The following KRT79 variants were observed in gnomAD, a reference collection of about 807,000 sequenced individuals.
KRT79 encodes keratin, type II cytoskeletal 79.
Under a neutral mutation model 49.0 loss-of-function variants are expected in KRT79, and 51 were observed. The ratio of observed to expected loss-of-function variants is 1.04; its 90% CI spans 0.83 to 1.31. The LOEUF is 1.31. KRT79 is among the 40% of genes most tolerant of loss of function. The pLI is 0.00. For synonymous variants in KRT79, 312 were observed against 286.6 expected, an observed-to-expected ratio of 1.09 and a Z score of -0.90; for missense variants, 728 against 688.0, an observed-to-expected ratio of 1.06 and a Z score of -0.65.
At position 52,824,178 on chromosome 12, in the gene KRT79, G is replaced by A. The variant is rs780376020; in HGVS notation, c.1020+20C>T. The A allele has an allele frequency of 2.5e-6, 4 of 1,614,126 alleles. No homozygotes were observed. In the Admixed American group the frequency reaches 6.7e-5, roughly 27 times the overall value. On this transcript the variant is annotated intron_variant, in intron 5 of 8. Transcript: ENST00000330553. ...TGATCCGACCCCAGGCCTCACACCTGAGCCAGCTATGCCTCTCACCTTGGT... is the reference window on the plus strand; with the variant it reads ...TGATCCGACCCCAGGCCTCACACCTAAGCCAGCTATGCCTCTCACCTTGGT...
At position 52,834,125 on chromosome 12, in the gene KRT79, C is replaced by T. The variant is rs1014832358; in HGVS notation, c.136G>A (p.Gly46Ser). Residue 46 changes from glycine (G) to serine (S), a missense_variant, in exon 1 of 9, where the codon GGC (glycine) becomes AGC (serine). Physicochemically the swap from Gly to Ser is moderately conservative, Grantham distance 56. Coordinates refer to ENST00000330553, the MANE Select transcript of KRT79 (RefSeq NM_175834.3). The stretch of plus-strand genomic sequence containing the variant: ...GTGCCGGGGCCACAGTGGGCCCCGC[C>T]ACCACTGCCACTGCTCCGAGACACC... Reference protein sequence around the residue: ...VTVSRSSGSGGGAHCGPGTGG... With the variant: ...VTVSRSSGSGSGAHCGPGTGG... 3.7e-6 allele frequency: 6 copies of T among 1,613,222 alleles called. No individual in the cohort carries two copies. The highest frequency in any genetic ancestry group is 2.7e-5 in the African/African-American group (2 of 74,928).
At position 52,834,091 on chromosome 12, in the gene KRT79, A is replaced by C; in HGVS notation, c.170T>G (p.Phe57Cys). The C allele has an allele frequency of 6.2e-7, 1 of 1,612,922 alleles. No individual in the cohort carries two copies. The highest frequency in any genetic ancestry group is 1.3e-5 in the African/African-American group (1 of 74,904). Reference sequence around the variant, plus strand: ...CAAGTTATAGAGGCTTCGGCTGCCAAAGCCACCTGTGCCGGGGCCACAGTG... The same window carrying C: ...CAAGTTATAGAGGCTTCGGCTGCCACAGCCACCTGTGCCGGGGCCACAGTG... ...GAHCGPGTGGFGSRSLYNLGG... is the reference protein window; with the variant it reads ...GAHCGPGTGGCGSRSLYNLGG... Residue 57 changes from phenylalanine (F) to cysteine (C), a missense_variant, in exon 1 of 9, where the codon TTT becomes TGT. By Grantham distance (205) the Phe-to-Cys change is radical (BLOSUM62 -2). Coordinates refer to ENST00000330553, the MANE Select transcript of KRT79 (RefSeq NM_175834.3).
In KRT79 at chr12:52,823,868, G is replaced by T. The variant is rs373908307; in HGVS notation, c.1146+19C>A. Reference sequence around the variant, plus strand: ...GCCAACACCTAGGCCAGACCCCCAAGCCCCCAGTAGAGTCCCACCTGCTTC... The same window carrying T: ...GCCAACACCTAGGCCAGACCCCCAATCCCCCAGTAGAGTCCCACCTGCTTC... On this transcript the variant is annotated intron_variant, in intron 6 of 8. Coordinates refer to ENST00000330553, the MANE Select transcript of KRT79 (RefSeq NM_175834.3). 6.2e-7 allele frequency: 1 copy of T among 1,605,664 alleles called. No homozygotes were observed. Among genetic ancestry groups the T allele is most frequent in the Non-Finnish European group, 8.5e-7 (1 of 1,176,804 alleles).
At chr12:52,832,671 T>C (rs78098068) in intron 1 of KRT79, among the ~76,000 whole-genome samples, 4,213 of 152,226 alleles carry the variant, frequency 0.028, 189 homozygotes, top group African/African-American at 0.096. Flanking sequence ...CCAGGTCCCA[T>C]CTCCACACTA....
Position 52,834,288 on chromosome 12 carries a change from G to A in KRT79, c.-28C>T. The stretch of plus-strand genomic sequence containing the variant: ...CTGCAGAGGGGCCGGAGGGCAGGAT[G>A]AGAGGGCAGGAAGGGAGTGCCGTGA... On this transcript the variant is annotated 5_prime_UTR_variant, in exon 1 of 9. Transcript: ENST00000330553. The A allele has an allele frequency of 1.9e-6, 3 of 1,573,376 alleles. No homozygotes were observed. Among genetic ancestry groups the A allele is most frequent in the East Asian group, 2.2e-5 (1 of 44,684 alleles).
intron 7 of KRT79, 83 bp downstream of exon 7, chr12:52,822,933 C>G (rs1241501983): frequency 7.1e-7 from 1 of 1,415,324 alleles, no homozygotes; most frequent in African/African-American, 1.4e-5. Context: ...CTCTCCCTCT[C>G]TTGACCCCGG....
intron 8 of KRT79, 48 bp from the exon 9 acceptor site, chr12:52,822,125 G>C: frequency 1.3e-6 from 2 of 1,580,238 alleles, no homozygotes; most frequent in East Asian, 2.2e-5. Context: ...TGCCAGAGAG[G>C]GCTGGGGGAG....
Position 52,824,345 on chromosome 12 carries a change from C to G in KRT79, c.873G>C (p.Gln291His). ...CCACATTGGTGTTAGACACGTGGGT[C>G]TGCACTTGGCTCAGCTCCTGAAGAA... ...QLYEMELSQV[Q>H]THVSNTNVVL... The change falls in exon 5 of 9, where the codon CAG becomes CAC. Residue 291 changes from glutamine (Q) to histidine (H), a missense_variant. Physicochemically the swap from Gln to His is conservative, Grantham distance 24. Transcript: ENST00000330553. The G allele has an allele frequency of 6.2e-7, 1 of 1,614,088 alleles. No individual in the cohort carries two copies.
intron 1 of KRT79, among the ~76,000 whole-genome samples, chr12:52,832,360 T>A (rs929365736): frequency 2.6e-5 from 4 of 152,074 alleles, no homozygotes; most frequent in African/African-American, 9.7e-5. Context: ...TTTCTGTAAA[T>A]TCAACATTTT....
intron 5 of KRT79, 63 bp downstream of exon 5, chr12:52,824,135 C>T: frequency 6.2e-7 from 1 of 1,613,006 alleles, no homozygotes; most frequent in Non-Finnish European, 8.5e-7. Context: ...AGGCCCAAGC[C>T]TCTCACGATG....
rs1565689324 is a variant in KRT79, at chr12:52,823,001, A to G, written c.1367+15T>C. 2 of 1,612,050 alleles carry G rather than the reference A, an allele frequency of 1.2e-6. No homozygotes were observed. Among genetic ancestry groups the G allele is most frequent in the East Asian group, 2.2e-5 (1 of 44,796 alleles). On this transcript the variant is annotated intron_variant, in intron 7 of 8. Coordinates refer to ENST00000330553, the MANE Select transcript of KRT79 (RefSeq NM_175834.3). ...CCCGACCCAGCTTTCTGGGTCGGGC[A>G]GGAGGGGCCACCACCTGCTCTCCTC...
Position 52,834,091 on chromosome 12 carries a change from A to T in KRT79, c.170T>A (p.Phe57Tyr), listed in dbSNP as rs767950892. The T allele has an allele frequency of 1.9e-6, 3 of 1,612,922 alleles. No homozygotes were observed. The highest frequency in any genetic ancestry group is 1.1e-5 in the South Asian group (1 of 91,058). The change falls in exon 1 of 9, where the codon TTT (phenylalanine) becomes TAT (tyrosine). Residue 57 changes from phenylalanine to tyrosine, a missense_variant. Transcript: ENST00000330553. ...CAAGTTATAGAGGCTTCGGCTGCCA[A>T]AGCCACCTGTGCCGGGGCCACAGTG... ...GAHCGPGTGG[F>Y]GSRSLYNLGG...
Position 52,831,438 on chromosome 12 carries a change from G to T in KRT79, c.666C>A (p.Asn222Lys). The T allele has an allele frequency of 1.9e-6, 3 of 1,614,174 alleles. No individual in the cohort carries two copies. Among genetic ancestry groups the T allele is most frequent in the African/African-American group, 2.7e-5 (2 of 75,060 alleles). ...ERGRLDSELR[N>K]VQDLVEDFKN... ...TGAAGTCCTCCACAAGGTCCTGCAC[G>T]TTCCTGAGCTCTGAGTCCAGCCTCC... The change falls in exon 2 of 9, where the codon AAC (asparagine) becomes AAA (lysine). Residue 222 changes from asparagine to lysine, a missense_variant. Asn to Lys is a moderately conservative substitution (Grantham distance 94). Transcript: ENST00000330553.
In KRT79 at chr12:52,822,493, G is replaced by C. The variant is rs1223145904; in HGVS notation, c.1368-114C>G. 18 of 731,310 alleles carry C rather than the reference G, an allele frequency of 2.5e-5. No homozygotes were observed. The East Asian group carries it at 4.6e-4, about 19-fold the overall frequency. 45.3% of individuals were successfully genotyped at this position (731,310 alleles called of 1,614,324 possible). On this transcript the variant is annotated intron_variant, in intron 7 of 8. Transcript: ENST00000330553. The stretch of plus-strand genomic sequence containing the variant: ...TCCACTCAGTGAATCCTGATGACAA[G>C]ACCAGGAAACATGAGAAGTATGTGT...
At chr12:52,831,906 C>T (rs771423069) in intron 1 of KRT79, among the ~76,000 whole-genome samples, 2 of 152,238 alleles carry the variant, frequency 1.3e-5, no homozygotes. Flanking sequence ...TCATTTCTCT[C>T]TGAGTCTCCC....
chr12:52,834,151 G>A lies in KRT79; in HGVS notation c.110C>T (p.Thr37Met), dbSNP rs148509956. The change falls in exon 1 of 9, where the codon ACG becomes ATG. Residue 37 changes from threonine (T) to methionine (M), a missense_variant. Thr to Met is a moderately conservative substitution (Grantham distance 81, BLOSUM62 -1). Coordinates refer to ENST00000330553, the MANE Select transcript of KRT79 (RefSeq NM_175834.3). ...SQARTSFSSV[T>M]VSRSSGSGGG... ...ACCACTGCCACTGCTCCGAGACACCGTCACTGAGCTGAAGCTGGTGCGGGC... is the reference window on the plus strand; with the variant it reads ...ACCACTGCCACTGCTCCGAGACACCATCACTGAGCTGAAGCTGGTGCGGGC... 32 of 1,613,558 alleles carry A rather than the reference G, an allele frequency of 2.0e-5. No individual in the cohort carries two copies. The highest frequency in any genetic ancestry group is 1.6e-4 in the East Asian group (7 of 44,828).
intron 4 of KRT79, among the ~76,000 whole-genome samples, chr12:52,827,290 C>G (rs1215734453): frequency 1.3e-5 from 2 of 152,268 alleles, no homozygotes; most frequent in East Asian, 3.8e-4. Flanking sequence ...ACTTGATAAC[C>G]TGGCCCCACA....
intron 5 of KRT79, 25 bp from the exon 6 acceptor site, chr12:52,824,037 C>A (rs529425237): frequency 3.3e-5 from 54 of 1,613,832 alleles, no homozygotes; most frequent in Non-Finnish European, 4.3e-5. Context: ...AGTGGCAGTG[C>A]GCTTTCAAAT....
Position 52,821,803 on chromosome 12 carries a change from G to A in KRT79, c.*69C>T. 7.0e-7 allele frequency: 1 copy of A among 1,421,140 alleles called. No individual in the cohort carries two copies. Among genetic ancestry groups the A allele is most frequent in the South Asian group, 1.2e-5 (1 of 83,680 alleles). 88.0% of individuals were successfully genotyped at this position (1,421,140 alleles called of 1,614,324 possible). A position where few individuals can be genotyped will look rare whatever the true frequency, so the allele number is the denominator to read the frequency against. ...TGTTCCTGCTCCTGAGAAGTGACTGGAAAGGACAGCAGAGGTGGGGTGAGG... is the reference window on the plus strand; with the variant it reads ...TGTTCCTGCTCCTGAGAAGTGACTGAAAAGGACAGCAGAGGTGGGGTGAGG... On this transcript the variant is annotated 3_prime_UTR_variant, in exon 9 of 9. Transcript: ENST00000330553.
Sources: gnomAD v4.1 joint callset for allele counts (sites outside exome capture counted in the v4.1 genomes callset) on GRCh38, gnomAD v4.1.1 for gene constraint, MANE v1.5 for transcripts, NCBI Gene and HGNC (gene_info 2026-07-23, HGNC 2026-07-21) for gene names.